The following ZNF831 variants were observed in gnomAD, a reference collection of about 807,000 sequenced individuals.
ZNF831 encodes the protein chromosome 20 open reading frame 174.
In ZNF831, 59 loss-of-function variants were observed where a neutral mutation model predicts 95.8. The ratio of observed to expected loss-of-function variants is 0.62; its 90% CI spans 0.50 to 0.77. The LOEUF (loss-of-function observed/expected upper bound fraction) is 0.77, where lower values mean the gene tolerates loss of function less well. Ranked by LOEUF, ZNF831 falls within the 30% of genes least tolerant of loss-of-function variation. The probability of loss-of-function intolerance (pLI) is 0.00; values close to 1 mark genes in which losing one functional copy is unlikely to be tolerated. For missense variants in ZNF831, 2,205 were observed against 2,164.0 expected (o/e 1.02, Z -0.38); for synonymous variants, 961 against 925.5 (o/e 1.04, Z -0.70).
Position 59,192,898 on chromosome 20 carries a change from A to T in ZNF831, c.1879A>T (p.Thr627Ser), listed in dbSNP as rs1983730499. The change falls in exon 2 of 6, where the codon ACG (threonine) becomes TCG (serine). Residue 627 changes from threonine to serine, a missense_variant. Transcript: ENST00000371030. This position sits in a 1 kb window ranked among gnomAD's most constrained non-coding sequence, Gnocchi z 5.2. ...QEKWQVYGDE[T>S]FKRIYQKMKA... The stretch of plus-strand genomic sequence containing the variant: ...GAAGTGGCAGGTGTACGGGGATGAG[A>T]CGTTCAAAAGGATCTACCAGAAAAT... 5 of 1,596,564 alleles carry T rather than the reference A, an allele frequency of 3.1e-6. No individual in the cohort carries two copies. The South Asian group carries it at 5.7e-5, about 18-fold the overall frequency.
At position 59,195,976 on chromosome 20, in the gene ZNF831, G is replaced by A. The variant is rs762529964; in HGVS notation, c.3846G>A (p.Lys1282=). The part of the protein sequence containing the change: ...WRAKMSRGNS[K]QRKLKINPKR... ...CAAAGATGTCTCGTGGGAACAGCAA[G>A]CAGAGAAAACTGAAGATCAACCCTA... is the stretch of plus-strand genomic sequence containing the variant. Residue 1282 remains lysine, a synonymous_variant, in exon 3 of 6, where the codon AAG becomes AAA. Transcript: ENST00000371030. The A allele has an allele frequency of 3.3e-5, 54 of 1,613,992 alleles. No individual in the cohort carries two copies. The highest frequency in any genetic ancestry group is 1.2e-4 in the South Asian group (11 of 91,076).
intron 2 of ZNF831, among the ~76,000 whole-genome samples, chr20:59,149,890 C>T (rs568164521): frequency 1.3e-5 from 2 of 152,246 alleles, no homozygotes; most frequent in Non-Finnish European, 2.9e-5. Context: ...GGCTGTCGTC[C>T]CACACAGGGC....
At chr20:59,153,201 C>G (rs1423746433) in intron 2 of ZNF831, among the ~76,000 whole-genome samples, 2 of 152,212 alleles carry the variant, frequency 1.3e-5, no homozygotes, top group Non-Finnish European at 2.9e-5. Context: ...GATTTTCCCA[C>G]CACCCTTGCT....
chr20:59,133,378 G>A (rs1979405898), intron 1 of ZNF831, among the ~76,000 whole-genome samples: 1 of 152,102 alleles, frequency 6.6e-6, no homozygotes, highest in African/African-American at 2.4e-5. Context: ...GATCACTTTG[G>A]GCAGTTGCTA....
At position 59,253,894 on chromosome 20, in the gene ZNF831, G is replaced by C. The variant is rs1394313544; in HGVS notation, c.4189-4G>C. The C allele has an allele frequency of 1.0e-6, 1 of 984,612 alleles. No individual in the cohort carries two copies. Among genetic ancestry groups the C allele is most frequent in the Non-Finnish European group, 1.3e-6 (1 of 744,402 alleles). 61.0% of individuals were successfully genotyped at this position (984,612 alleles called of 1,614,324 possible). A position where few individuals can be genotyped will look rare whatever the true frequency, so the allele number is the denominator to read the frequency against. On this transcript the variant is annotated splice_polypyrimidine_tract_variant and splice_region_variant and intron_variant, in intron 5 of 5. Coordinates refer to ENST00000371030, the MANE Select transcript of ZNF831 (RefSeq NM_178457.3). The stretch of plus-strand genomic sequence containing the variant: ...CTTTTTTTTTCCTTTGCACTTTGTT[G>C]CAGGATATTTCTCCATCTGCTGGTG...
intron 4 of ZNF831, 58 bp downstream of exon 4, chr20:59,207,114 C>CTT: frequency 6.3e-7 from 1 of 1,583,046 alleles, no homozygotes; most frequent in Non-Finnish European, 8.6e-7. Context: ...CCGCCCAAGG[C>CTT]ATAGACACTG....
Position 59,192,368 on chromosome 20 carries a change from A to C in ZNF831, c.1349A>C (p.Asp450Ala), listed in dbSNP as rs774336482. The change falls in exon 2 of 6, where the codon GAC (aspartate) becomes GCC (alanine). Residue 450 changes from aspartate (D) to alanine (A), a missense_variant. Transcript: ENST00000371030. The surrounding 1 kb of genome is among the most constrained non-coding windows in gnomAD (Gnocchi z 5.2). Reference sequence around the variant, plus strand: ...CTGCCCACGCCCTACACCTACAAGGACTCCTTCCACTTTGACATCCGCGCG... The same window carrying C: ...CTGCCCACGCCCTACACCTACAAGGCCTCCTTCCACTTTGACATCCGCGCG... ...IDLPTPYTYKDSFHFDIRALE... is the reference protein window; with the variant it reads ...IDLPTPYTYKASFHFDIRALE... The C allele has an allele frequency of 8.1e-6, 13 of 1,610,660 alleles. No homozygotes were observed. The highest frequency in any genetic ancestry group is 1.1e-5 in the Non-Finnish European group (13 of 1,179,152).
chr20:59,143,981 CA>C (rs1473949651), intron 1 of ZNF831, among the ~76,000 whole-genome samples: 2 of 152,216 alleles, frequency 1.3e-5, no homozygotes, highest in African/African-American at 4.8e-5. Flanking sequence ...TGAGTGCTCG[CA>C]AGCTTTTTAA....
At chr20:59,134,400 C>T (rs951675915) in intron 1 of ZNF831, among the ~76,000 whole-genome samples, 1 of 152,202 alleles carries the variant, frequency 6.6e-6, no homozygotes. Context: ...ACATGTAGAA[C>T]GTCATTGATT....
Position 59,254,921 on chromosome 20 carries a change from C to A in ZNF831, c.*178C>A. 1.3e-6 allele frequency: 1 copy of A among 771,632 alleles called. No individual in the cohort carries two copies. The highest frequency in any genetic ancestry group is 2.0e-6 in the Non-Finnish European group (1 of 495,798). 47.8% of individuals were successfully genotyped at this position (771,632 alleles called of 1,614,324 possible). A position where few individuals can be genotyped will look rare whatever the true frequency, so the allele number is the denominator to read the frequency against. Reference sequence around the variant, plus strand: ...CTTCTGACCCCCAACTCAGCCGCAGCGTTCCCCAGCTCCCCTTGGGAGTGC... The same window carrying A: ...CTTCTGACCCCCAACTCAGCCGCAGAGTTCCCCAGCTCCCCTTGGGAGTGC... On this transcript the variant is annotated 3_prime_UTR_variant, in exon 6 of 6. Coordinates refer to ENST00000371030, the MANE Select transcript of ZNF831 (RefSeq NM_178457.3). This position sits in a 1 kb window ranked among gnomAD's most constrained non-coding sequence, Gnocchi z 4.5.
chr20:59,216,439 A>T (rs1023556440), intron 4 of ZNF831, among the ~76,000 whole-genome samples: 4 of 152,290 alleles, frequency 2.6e-5, no homozygotes, highest in South Asian at 4.1e-4. Flanking sequence ...ATTGACTGAG[A>T]TGGAGTTTCA....
At chr20:59,184,001 C>T (rs1163198053) in intron 1 of ZNF831, among the ~76,000 whole-genome samples, 1 of 152,196 alleles carries the variant, frequency 6.6e-6, no homozygotes, top group Non-Finnish European at 1.5e-5. Flanking sequence ...AGGATCAGAA[C>T]AATCCCTTTC....
In ZNF831 at chr20:59,193,773, G is replaced by T. The variant is rs775709778; in HGVS notation, c.2754G>T (p.Ser918=). 1.2e-6 allele frequency: 2 copies of T among 1,606,606 alleles called. No homozygotes were observed. Among genetic ancestry groups the T allele is most frequent in the East Asian group, 2.2e-5 (1 of 44,824 alleles). ...PAAPAPAEHP[S]LATPPQAPRV... is the part of the protein sequence containing the mutation. ...CCCCAGCCCCCGCAGAGCACCCCTC[G>T]CTGGCCACCCCACCTCAGGCTCCTA... Residue 918 remains serine, a synonymous_variant, in exon 2 of 6, where the codon TCG becomes TCT. Coordinates refer to ENST00000371030, the MANE Select transcript of ZNF831 (RefSeq NM_178457.3).
intron 3 of ZNF831, among the ~76,000 whole-genome samples, chr20:59,197,685 A>C (rs147901465): frequency 6.6e-6 from 1 of 152,250 alleles, no homozygotes; most frequent in Admixed American, 6.5e-5. Context: ...GCCTGACTCA[A>C]GGTAGTCTGA....
chr20:59,149,478 A>G (rs1568726440), intron 2 of ZNF831, among the ~76,000 whole-genome samples: 1 of 152,146 alleles, frequency 6.6e-6, no homozygotes, highest in Non-Finnish European at 1.5e-5. Flanking sequence ...TATACATTTC[A>G]TTTTACTTTT....
intron 1 of ZNF831, among the ~76,000 whole-genome samples, chr20:59,126,839 C>T (rs551825775): frequency 5.9e-4 from 90 of 152,220 alleles, no homozygotes; most frequent in Non-Finnish European, 1.0e-3. Flanking sequence ...CTGGCTCCGT[C>T]GTCTTTGTGG....
At chr20:59,174,750 AAAAC>A (rs1982008814) in intron 1 of ZNF831, among the ~76,000 whole-genome samples, 1 of 152,166 alleles carries the variant, frequency 6.6e-6, no homozygotes, top group Admixed American at 6.6e-5. Context: ...AACAAAAAAC[AAAAC>A]AAACAAAAAA....
Position 59,136,830 on chromosome 20 carries a change from C to A in ZNF831, c.-1424-9401C>A, listed in dbSNP as rs186860169. On this transcript the variant is annotated intron_variant, in intron 1 of 7. Transcript: ENST00000637017. ...GGTTTTATCTGGGCACGTGGTTACC[C>A]GGAATAGAAATAAAACTTTCTACCT... Among the ~76,000 whole-genome samples the A allele has an allele frequency of 2.6e-5, 4 of 152,140 alleles. No individual in the cohort carries two copies. The East Asian group carries it at 7.7e-4, about 29-fold the overall frequency.
intron 4 of ZNF831, among the ~76,000 whole-genome samples, chr20:59,250,127 A>G (rs750414636): frequency 6.6e-6 from 1 of 152,212 alleles, no homozygotes; most frequent in Non-Finnish European, 1.5e-5. Context: ...GAGCTTGGTA[A>G]CTTCCCTCAC....
Sources: allele counts gnomAD v4.1 joint callset (sites outside exome capture counted in the v4.1 genomes callset), GRCh38; gene constraint gnomAD v4.1.1; non-coding constraint Gnocchi (gnomAD v3.1); transcripts MANE v1.5; gene names NCBI Gene and HGNC (gene_info 2026-07-23, HGNC 2026-07-21).